The following UBE2U variants were observed in gnomAD, a reference collection of about 807,000 sequenced individuals.
UBE2U encodes ubiquitin conjugating enzyme E2 U.
A neutral mutation model predicts 41.2 loss-of-function variants in UBE2U; 39 were observed. That is an observed-to-expected ratio of 0.95 (90% CI 0.73 to 1.24). The LOEUF is 1.24. UBE2U is among the 50% of genes most tolerant of loss of function. The probability of loss-of-function intolerance (pLI) is 0.00; values close to 1 mark genes in which losing one functional copy is unlikely to be tolerated. For missense variants in UBE2U, 336 were observed against 363.1 expected (o/e 0.93, Z 0.61); for synonymous variants, 107 against 117.8 (o/e 0.91, Z 0.60).
intron 7 of UBE2U, among the ~76,000 whole-genome samples, chr1:64,233,079 C>T (rs1160310426): frequency 6.6e-6 from 1 of 151,932 alleles, no homozygotes; most frequent in Admixed American, 6.6e-5. Flanking sequence ...GCAATCTCAG[C>T]TCACTACAAG....
intron 7 of UBE2U, among the ~76,000 whole-genome samples, chr1:64,235,720 G>A (rs4915954): frequency 0.17 from 25,630 of 151,946 alleles, 2,529 homozygotes; most frequent in East Asian, 0.42. Context: ...TCCCTATCTT[G>A]TGCCACAAAT....
At chr1:64,264,525 T>C (rs926515534) in intron 9 of UBE2U, among the ~76,000 whole-genome samples, 1 of 152,258 alleles carries the variant, frequency 6.6e-6, no homozygotes, top group African/African-American at 2.4e-5. Context: ...TTTCTTTTTA[T>C]GCTTCCTGGG....
chr1:64,251,554 A>T (rs1645011544), intron 8 of UBE2U, among the ~76,000 whole-genome samples: 1 of 152,136 alleles, frequency 6.6e-6, no homozygotes, highest in Non-Finnish European at 1.5e-5. Context: ...AATCAGTTCA[A>T]CCCATGGAGA....
At chr1:64,239,129 G>GGAAGA (rs1557730267) in intron 7 of UBE2U, among the ~76,000 whole-genome samples, 1 of 26,274 alleles carries the variant, frequency 3.8e-5, no homozygotes, top group African/African-American at 2.0e-4. Context: ...AGAAGAAGAA[G>GGAAGA]AAGAAGAAGA....
chr1:64,243,983 T>C (rs1644877959), intron 8 of UBE2U: 1 of 498,672 alleles, frequency 2.0e-6, no homozygotes, highest in Non-Finnish European at 3.8e-6. Flanking sequence ...GTAATAAGTG[T>C]ACCTACCTCC....
At chr1:64,264,201 A>C (rs1176071164) in intron 9 of UBE2U, among the ~76,000 whole-genome samples, 1 of 152,242 alleles carries the variant, frequency 6.6e-6, no homozygotes, top group Non-Finnish European at 1.5e-5. Context: ...CACAGATTTT[A>C]ATATCTTTAT....
intron 8 of UBE2U, among the ~76,000 whole-genome samples, chr1:64,252,343 G>A (rs1220108370): frequency 6.6e-6 from 1 of 152,210 alleles, no homozygotes; most frequent in Non-Finnish European, 1.5e-5. Context: ...GAGAGGCCAG[G>A]TGGTCTGGAC....
intron 8 of UBE2U, chr1:64,244,326 A>C (rs1644885807): frequency 6.5e-6 from 6 of 926,440 alleles, no homozygotes; most frequent in Non-Finnish European, 8.0e-6. Context: ...GATATAAATA[A>C]AAATTATATA....
Position 64,223,714 on chromosome 1 carries a change from A to G in UBE2U, c.506+2807A>G, listed in dbSNP as rs188153350. Among the ~76,000 whole-genome samples the G allele has an allele frequency of 2.0e-3, 308 of 152,320 alleles. 1 individual carries two copies. Among genetic ancestry groups the G allele is most frequent in the African/African-American group, 7.2e-3 (301 of 41,578 alleles). ...GCTGGGGGAGCACAGAGGGAGAAACATCTTACTCAGGCTTGGCAGGGATTG... is the reference window on the plus strand; with the variant it reads ...GCTGGGGGAGCACAGAGGGAGAAACGTCTTACTCAGGCTTGGCAGGGATTG... On this transcript the variant is annotated intron_variant, in intron 6 of 9. Transcript: ENST00000371077.
chr1:64,225,735 A>G (rs1652823876), intron 6 of UBE2U, among the ~76,000 whole-genome samples: 1 of 152,214 alleles, frequency 6.6e-6, no homozygotes, highest in Non-Finnish European at 1.5e-5. Flanking sequence ...GAGTTGTGAG[A>G]AAAAGTGGGA....
chr1:64,222,707 T>A (rs1652574050), intron 6 of UBE2U, among the ~76,000 whole-genome samples: 1 of 152,260 alleles, frequency 6.6e-6, no homozygotes, highest in African/African-American at 2.4e-5. Context: ...TCTTAGTTTT[T>A]AAATAATGCA....
chr1:64,206,889 G>T (rs759031317), intron 3 of UBE2U, 33 bp downstream of exon 3: 1 of 1,226,072 alleles, frequency 8.2e-7, no homozygotes, highest in African/African-American at 1.5e-5. Context: ...ATCATTAGAG[G>T]CTTTGTCCCT....
Position 64,223,341 on chromosome 1 carries a change from G to A in UBE2U, c.506+2434G>A, listed in dbSNP as rs114503709. Among the ~76,000 whole-genome samples, 1,120 of 152,270 alleles carry A rather than the reference G, an allele frequency of 7.4e-3. 12 individuals carry two copies. The highest frequency in any genetic ancestry group is 0.026 in the African/African-American group (1,083 of 41,554). On this transcript the variant is annotated intron_variant, in intron 6 of 9. Coordinates refer to ENST00000371077, the MANE Select transcript of UBE2U (RefSeq NM_001366232.2). ...GAAAGGGAGACAGTGCAAGAAGTAG[G>A]CCTGTCGATCCATTAGGTCAATGTA...
chr1:64,236,512 A>AAAAGGT (rs1311367043), intron 7 of UBE2U, among the ~76,000 whole-genome samples: 3 of 152,226 alleles, frequency 2.0e-5, no homozygotes, highest in Non-Finnish European at 2.9e-5. Context: ...AATGGCAAGT[A>AAAAGGT]AAAGGTTTGG....
chr1:64,205,502 A>G lies in UBE2U; in HGVS notation c.67-137A>G, dbSNP rs150542254. ...AATAAGACATGTAACACTTCCCCAG[A>G]GCAGCAAATAAATAAACTTATCAAG... On this transcript the variant is annotated intron_variant, in intron 1 of 9. Coordinates refer to ENST00000371077, the MANE Select transcript of UBE2U (RefSeq NM_001366232.2). 2,162 of 674,878 alleles carry G rather than the reference A, an allele frequency of 3.2e-3. 35 individuals carry two copies. The African/African-American group carries it at 0.035, about 11-fold the overall frequency. The allele number at this position is 674,878 out of a possible 1,614,324, so 41.8% of individuals were successfully genotyped here.
At chr1:64,224,935 TCACACACACA>T (rs34259884) in intron 6 of UBE2U, among the ~76,000 whole-genome samples, 12 of 146,932 alleles carry the variant, frequency 8.2e-5, no homozygotes, top group South Asian at 2.2e-4. Flanking sequence ...TAGGATATTA[TCACACACACA>T]CACACACACA....
At chr1:64,250,922 G>C (rs1160563758) in intron 8 of UBE2U, among the ~76,000 whole-genome samples, 1 of 133,602 alleles carries the variant, frequency 7.5e-6, no homozygotes, top group Non-Finnish European at 1.6e-5. Flanking sequence ...GTGGGGTGGG[G>C]GGAGGGGGGA....
chr1:64,241,791 C>A, intron 8 of UBE2U, 58 bp downstream of exon 8: 1 of 1,307,268 alleles, frequency 7.6e-7, no homozygotes, highest in Non-Finnish European at 1.1e-6. Context: ...TATTATTCCA[C>A]TTTCTACTAT....
intron 6 of UBE2U, among the ~76,000 whole-genome samples, chr1:64,222,222 C>T (rs1391061411): frequency 2.0e-5 from 3 of 152,002 alleles, no homozygotes; most frequent in South Asian, 4.2e-4. Context: ...GACATTGCCA[C>T]CCCTTAAATG....
Sources: allele counts gnomAD v4.1 joint callset (sites outside exome capture counted in the v4.1 genomes callset), GRCh38; gene constraint gnomAD v4.1.1; transcripts MANE v1.5; gene names NCBI Gene and HGNC (gene_info 2026-07-23, HGNC 2026-07-21).